Variants in MAGI1 observed in about 807,000 individuals in gnomAD.
MAGI1 encodes the protein membrane-associated guanylate kinase, WW and PDZ domain-containing protein 1.
Under a neutral mutation model 139.9 loss-of-function variants are expected in MAGI1, and 58 were observed. That is an observed-to-expected ratio of 0.41 (90% CI 0.34 to 0.52). The LOEUF (loss-of-function observed/expected upper bound fraction) is 0.52, where lower values mean the gene tolerates loss of function less well. Among genes scored for constraint, MAGI1 ranks in the 20% least tolerant of loss-of-function variants. The probability of loss-of-function intolerance (pLI) is 0.12; values close to 1 mark genes in which losing one functional copy is unlikely to be tolerated. For missense variants in MAGI1, 1,874 were observed against 1,901.6 expected (o/e 0.99, Z 0.27); for synonymous variants, 812 against 737.9 (o/e 1.10, Z -1.63).
At chr3:66,027,281 T>A (rs1413309016) in intron 1 of MAGI1, among the ~76,000 whole-genome samples, 1 of 29,248 alleles carries the variant, frequency 3.4e-5, no homozygotes, top group African/African-American at 7.4e-5. Flanking sequence ...AATAAATAAA[T>A]AAATAAATAA....
intron 18 of MAGI1, among the ~76,000 whole-genome samples, chr3:65,366,335 T>C (rs908860874): frequency 6.6e-6 from 1 of 152,234 alleles, no homozygotes; most frequent in African/African-American, 2.4e-5. Flanking sequence ...TAAAAGCCCA[T>C]TATTCTTCTA....
At chr3:65,740,197 A>T (rs2035139177) in intron 1 of MAGI1, among the ~76,000 whole-genome samples, 1 of 152,162 alleles carries the variant, frequency 6.6e-6, no homozygotes, top group South Asian at 2.1e-4. Flanking sequence ...AAACACCACA[A>T]ATCAATTTCC....
At chr3:65,854,570 T>C (rs1333578867) in intron 1 of MAGI1, among the ~76,000 whole-genome samples, 2 of 152,234 alleles carry the variant, frequency 1.3e-5, no homozygotes, top group Admixed American at 1.3e-4. Context: ...GAAAAATGGA[T>C]AACTTTGCAA....
At chr3:65,748,876 C>T (rs115411896) in intron 1 of MAGI1, among the ~76,000 whole-genome samples, 2 of 151,990 alleles carry the variant, frequency 1.3e-5, no homozygotes, top group East Asian at 1.9e-4. Flanking sequence ...TGAAATGACA[C>T]GGACAAAAGG....
intron 1 of MAGI1, among the ~76,000 whole-genome samples, chr3:65,727,856 A>G (rs2033780948): frequency 6.6e-6 from 1 of 152,176 alleles, no homozygotes; most frequent in Non-Finnish European, 1.5e-5. Context: ...GCAGATATAT[A>G]TTATTCAGAA....
chr3:65,591,931 C>CA (rs2081981951), intron 2 of MAGI1, among the ~76,000 whole-genome samples: 1 of 152,152 alleles, frequency 6.6e-6, no homozygotes, highest in Admixed American at 6.5e-5. Context: ...GCAACATGCC[C>CA]AATCTCCACA....
intron 2 of MAGI1, among the ~76,000 whole-genome samples, chr3:65,581,368 A>C (rs1197562846): frequency 1.3e-5 from 2 of 152,196 alleles, no homozygotes; most frequent in East Asian, 3.8e-4. Flanking sequence ...GTACAAGAAA[A>C]AAAAAGGCAA....
At chr3:65,550,320 C>A (rs1534086) in intron 2 of MAGI1, among the ~76,000 whole-genome samples, 56,933 of 152,018 alleles carry the variant, frequency 0.37, 12,067 homozygotes, top group East Asian at 0.65. Flanking sequence ...GAGCAATGCC[C>A]CAGGTCAGTC....
At chr3:65,931,900 T>C (rs755254835) in intron 1 of MAGI1, among the ~76,000 whole-genome samples, 5 of 152,136 alleles carry the variant, frequency 3.3e-5, no homozygotes, top group East Asian at 1.9e-4. Context: ...CGCCAACTCA[T>C]AGAAAAGCTT....
intron 2 of MAGI1, among the ~76,000 whole-genome samples, chr3:65,507,110 C>T (rs748576741): frequency 1.3e-5 from 2 of 152,154 alleles, no homozygotes; most frequent in Non-Finnish European, 2.9e-5. Context: ...GGGTACAATA[C>T]TAAGCCTACA....
intron 1 of MAGI1, among the ~76,000 whole-genome samples, chr3:65,860,585 T>C (rs1470359662): frequency 1.3e-5 from 2 of 152,134 alleles, no homozygotes; most frequent in African/African-American, 4.8e-5. Flanking sequence ...ACAGGAGCCA[T>C]GGGGATCTGC....
chr3:65,883,932 G>C (rs766962570), intron 1 of MAGI1, among the ~76,000 whole-genome samples: 1 of 151,992 alleles, frequency 6.6e-6, no homozygotes, highest in Non-Finnish European at 1.5e-5. Flanking sequence ...TAATTCCCCA[G>C]TCTACCAAAA....
At chr3:65,665,808 G>C (rs907165391) in intron 1 of MAGI1, among the ~76,000 whole-genome samples, 1 of 151,986 alleles carries the variant, frequency 6.6e-6, no homozygotes, top group Non-Finnish European at 1.5e-5. Flanking sequence ...TGTTTTAAAG[G>C]CTCCTCATCC....
intron 2 of MAGI1, among the ~76,000 whole-genome samples, chr3:65,599,524 T>G (rs548794735): frequency 1.3e-5 from 2 of 152,234 alleles, no homozygotes; most frequent in South Asian, 4.2e-4. Flanking sequence ...CATCTTTCCA[T>G]TTTCCAGCTG....
At chr3:65,996,409 A>G (rs993909231) in intron 1 of MAGI1, among the ~76,000 whole-genome samples, 6 of 152,106 alleles carry the variant, frequency 3.9e-5, no homozygotes, top group Non-Finnish European at 8.8e-5. Flanking sequence ...ACCCCATTCA[A>G]TCCTAACTAA....
intron 1 of MAGI1, among the ~76,000 whole-genome samples, chr3:65,810,379 C>G (rs2041149568): frequency 6.6e-6 from 1 of 152,204 alleles, no homozygotes; most frequent in Non-Finnish European, 1.5e-5. Flanking sequence ...AGTAATGCCT[C>G]TACCCAGAAA....
chr3:65,490,908 C>A (rs1951983046), intron 3 of MAGI1, among the ~76,000 whole-genome samples: 1 of 149,558 alleles, frequency 6.7e-6, no homozygotes. Context: ...GGAAATTTCG[C>A]TGCTAATAGG....
chr3:65,614,832 A>G (rs1045278562), intron 2 of MAGI1, among the ~76,000 whole-genome samples: 2 of 152,062 alleles, frequency 1.3e-5, no homozygotes, highest in African/African-American at 4.8e-5. Context: ...TGTAAGGAGA[A>G]GGACTGATAA....
At chr3:65,877,433 C>A (rs1458143732) in intron 1 of MAGI1, among the ~76,000 whole-genome samples, 1 of 152,086 alleles carries the variant, frequency 6.6e-6, no homozygotes, top group Admixed American at 6.5e-5. Context: ...CTCTCAAACA[C>A]CCACAGATAT....
Sources: allele counts gnomAD v4.1 joint callset (sites outside exome capture counted in the v4.1 genomes callset), GRCh38; gene constraint gnomAD v4.1.1; transcripts MANE v1.5; gene names NCBI Gene and HGNC (gene_info 2026-07-23, HGNC 2026-07-21).